GRM4: variants seen among roughly 807,000 people sequenced by gnomAD.
GRM4 encodes glutamate metabotropic receptor 4.
GRM4 carries 28 observed loss-of-function variants against 81.7 expected under a neutral mutation model. That is an observed-to-expected ratio of 0.34 (90% CI 0.25 to 0.47). GRM4 has a LOEUF of 0.47. GRM4 is among the 20% of genes least tolerant of loss of function. The pLI is 1.00. For missense variants in GRM4, 948 were observed against 1,290.0 expected, an observed-to-expected ratio of 0.73 and a Z score of 4.06; for synonymous variants, 488 against 528.8, an observed-to-expected ratio of 0.92 and a Z score of 1.06.
chr6:34,108,924 C>G (rs564912897), intron 2 of GRM4, among the ~76,000 whole-genome samples: 1 of 152,310 alleles, frequency 6.6e-6, no homozygotes, highest in East Asian at 1.9e-4. Flanking sequence ...AACCCTCACT[C>G]AGGTCTATTC....
chr6:34,065,203 C>T (rs937846534), intron 3 of GRM4, among the ~76,000 whole-genome samples: 3 of 152,024 alleles, frequency 2.0e-5, no homozygotes, highest in African/African-American at 2.4e-5. Flanking sequence ...ACAGCCCACC[C>T]TGTGCATTCC....
At position 34,035,175 on chromosome 6, in the gene GRM4, A is replaced by G. The variant is rs1012056592; in HGVS notation, c.2442+493T>C. ...AGAGAGGTAAGAGAAAGGAGTCTAG[A>G]AAAGAATGAAGAGTGAAGGAGGGTA... On this transcript the variant is annotated intron_variant, in intron 9 of 10. Transcript: ENST00000538487. The surrounding 1 kb of genome is among the most constrained non-coding windows in gnomAD (Gnocchi z 6.6). 4.0e-5 allele frequency among the ~76,000 whole-genome samples: 6 copies of G among 151,878 alleles called. No homozygotes were observed. Among genetic ancestry groups the G allele is most frequent in the Non-Finnish European group, 8.8e-5 (6 of 67,962 alleles).
At chr6:34,046,334 G>A (rs1360298105) in intron 6 of GRM4, among the ~76,000 whole-genome samples, 1 of 152,160 alleles carries the variant, frequency 6.6e-6, no homozygotes, top group East Asian at 1.9e-4. Flanking sequence ...TATAGCTACA[G>A]CTACACATTT....
chr6:34,145,744 C>A (rs1170835871), intron 1 of GRM4, among the ~76,000 whole-genome samples: 1 of 152,186 alleles, frequency 6.6e-6, no homozygotes, highest in Non-Finnish European at 1.5e-5. Context: ...CGAGGAGGCA[C>A]GAGACCAATC....
At chr6:34,086,302 C>T (rs1316650122) in intron 3 of GRM4, among the ~76,000 whole-genome samples, 1 of 152,266 alleles carries the variant, frequency 6.6e-6, no homozygotes, top group East Asian at 1.9e-4. Flanking sequence ...TGCCATGCCA[C>T]TGTGCTGACA....
chr6:34,036,692 C>T lies in GRM4; in HGVS notation c.1507-89G>A, dbSNP rs1581596351. On this transcript the variant is annotated intron_variant, in intron 8 of 10. Coordinates refer to ENST00000538487, the MANE Select transcript of GRM4 (RefSeq NM_000841.4). The surrounding 1 kb of genome is among the most constrained non-coding windows in gnomAD (Gnocchi z 9.0). Reference sequence around the variant, plus strand: ...ACTGGGTGGTGGCACCTTGTAGCCCCACACTCAAATCACCCAGCTAGTTGG... The same window carrying T: ...ACTGGGTGGTGGCACCTTGTAGCCCTACACTCAAATCACCCAGCTAGTTGG... The T allele has an allele frequency of 1.4e-6, 1 of 703,856 alleles. No homozygotes were observed. The highest frequency in any genetic ancestry group is 1.8e-5 in the African/African-American group (1 of 56,528). 43.6% of individuals were successfully genotyped at this position (703,856 alleles called of 1,614,324 possible). A position where few individuals can be genotyped will look rare whatever the true frequency, so the allele number is the denominator to read the frequency against.
chr6:34,095,096 T>C (rs753209760), intron 2 of GRM4, among the ~76,000 whole-genome samples: 1 of 152,172 alleles, frequency 6.6e-6, no homozygotes, highest in Non-Finnish European at 1.5e-5. Context: ...GGGCCAAGCA[T>C]GTGCTCCTGC....
chr6:34,144,604 G>C (rs946147252), intron 1 of GRM4, among the ~76,000 whole-genome samples: 1 of 152,176 alleles, frequency 6.6e-6, no homozygotes, highest in East Asian at 1.9e-4. Flanking sequence ...GCGGGCACGG[G>C]AGCTGGACGC....
Position 34,059,547 on chromosome 6 carries a change from C to G in GRM4, c.873-419G>C. ...CCCCCACATTCCTTGCCCATTCTCA[C>G]ACGCATCCACCATCACACAACCGCC... On this transcript the variant is annotated intron_variant, in intron 4 of 10. Transcript: ENST00000538487. This position sits in a 1 kb window ranked among gnomAD's most constrained non-coding sequence, Gnocchi z 5.7. 1 of 221,574 alleles carries G rather than the reference C, an allele frequency of 4.5e-6. No individual in the cohort carries two copies. The highest frequency in any genetic ancestry group is 9.1e-6 in the Non-Finnish European group (1 of 110,162). 13.7% of individuals were successfully genotyped at this position (221,574 alleles called of 1,614,324 possible).
intron 3 of GRM4, among the ~76,000 whole-genome samples, chr6:34,066,660 C>A (rs1245075657): frequency 6.6e-6 from 1 of 151,948 alleles, no homozygotes; most frequent in Non-Finnish European, 1.5e-5. Flanking sequence ...CCTGCCACCT[C>A]TCAAAATCAT....
At chr6:34,096,915 A>AGTGT (rs5875485) in intron 2 of GRM4, among the ~76,000 whole-genome samples, 2,403 of 132,494 alleles carry the variant, frequency 0.018, 28 homozygotes, top group Non-Finnish European at 0.032. Flanking sequence ...AGTACATCTG[A>AGTGT]GTGTGTGTGT....
intron 1 of GRM4, among the ~76,000 whole-genome samples, chr6:34,139,018 G>C (rs1695174901): frequency 6.6e-6 from 1 of 152,250 alleles, no homozygotes; most frequent in Non-Finnish European, 1.5e-5. Flanking sequence ...CCCCAGGCCA[G>C]CTGGGGCTTT....
intron 6 of GRM4, chr6:34,055,830 A>G (rs1442032298): frequency 6.6e-6 from 1 of 152,224 alleles, no homozygotes; most frequent in African/African-American, 2.4e-5. Flanking sequence ...CGGTTCTCCC[A>G]TCTGTAAAAT....
rs1562011092 is a variant in GRM4, at chr6:34,033,695, C to CTT, written c.2442+1972_2442+1973insAA. Among the ~76,000 whole-genome samples, 145 of 151,306 alleles carry CTT rather than the reference C, an allele frequency of 9.6e-4. 2 individuals are homozygous for CTT. In the East Asian group the frequency reaches 0.021, roughly 21 times the overall value. ...TTTCTTTCTCTTTCTCTCTCTCTCT[C>CTT]TCTTTCTCTTTCTTTCTCTCTCCCT... is the stretch of plus-strand genomic sequence containing the variant. On this transcript the variant is annotated intron_variant, in intron 9 of 10. Transcript: ENST00000538487.
chr6:34,081,247 C>A (rs1767579173), intron 3 of GRM4, among the ~76,000 whole-genome samples: 1 of 152,274 alleles, frequency 6.6e-6, no homozygotes, highest in Admixed American at 6.5e-5. Flanking sequence ...GCTGCAGTCA[C>A]CTCCTCTAAA....
intron 3 of GRM4, among the ~76,000 whole-genome samples, chr6:34,086,037 G>A (rs79113239): frequency 0.02 from 2,990 of 152,362 alleles, 63 homozygotes; most frequent in African/African-American, 0.056. Flanking sequence ...GAGCGAGGGA[G>A]AGGCACGGAA....
rs752701016 is a variant in GRM4 at position 34,070,017 on chromosome 6, A to G, written c.737-7989T>C. 9.2e-5 allele frequency among the ~76,000 whole-genome samples: 14 copies of G among 152,170 alleles called. No individual in the cohort carries two copies. The highest frequency in any genetic ancestry group is 1.9e-4 in the Non-Finnish European group (13 of 68,030). ...GCGGTAATCCACACTTGCTGGACGA[A>G]TGGAGAACTGAGTTCCTGACTGACG... On this transcript the variant is annotated intron_variant, in intron 3 of 10. Coordinates refer to ENST00000538487, the MANE Select transcript of GRM4 (RefSeq NM_000841.4). This position sits in a 1 kb window ranked among gnomAD's most constrained non-coding sequence, Gnocchi z 4.6.
At chr6:34,073,624 G>A (rs992294730) in intron 3 of GRM4, among the ~76,000 whole-genome samples, 8 of 151,880 alleles carry the variant, frequency 5.3e-5, no homozygotes, top group Middle Eastern at 3.4e-3. Flanking sequence ...ACAAGCAGGC[G>A]GTGCCCACCG....
At position 34,090,052 on chromosome 6, in the gene GRM4, T is replaced by A. The variant is rs1219148317; in HGVS notation, c.736+1831A>T. 6.6e-6 allele frequency among the ~76,000 whole-genome samples: 1 copy of A among 152,196 alleles called. No homozygotes were observed. The highest frequency in any genetic ancestry group is 1.9e-4 in the East Asian group (1 of 5,192). On this transcript the variant is annotated intron_variant, in intron 3 of 10. Coordinates refer to ENST00000538487, the MANE Select transcript of GRM4 (RefSeq NM_000841.4). This position sits in a 1 kb window ranked among gnomAD's most constrained non-coding sequence, Gnocchi z 5.2. The stretch of plus-strand genomic sequence containing the variant: ...TGCTGTGTGGCCTGGTGCTAGCTAT[T>A]ATTCAGCCTCTCTGTGCCTGCACTT...
Sources: allele counts gnomAD v4.1 joint callset (sites outside exome capture counted in the v4.1 genomes callset), GRCh38; gene constraint gnomAD v4.1.1; non-coding constraint Gnocchi (gnomAD v3.1); transcripts MANE v1.5; gene names NCBI Gene and HGNC (gene_info 2026-07-23, HGNC 2026-07-21).